The following MAP4 variants were observed in gnomAD, a reference collection of about 807,000 sequenced individuals.
The protein encoded by MAP4 is microtubule associated protein 4, also known as microtubule-associated protein 4.
In MAP4, 76 loss-of-function variants were observed where a neutral mutation model predicts 170.2. The ratio of observed to expected loss-of-function variants is 0.45; its 90% confidence interval spans 0.37 to 0.54. The LOEUF (loss-of-function observed/expected upper bound fraction) is 0.54. Ranked by LOEUF, MAP4 falls within the 20% of genes least tolerant of loss-of-function variation. The probability of loss-of-function intolerance (pLI) is 0.00; values close to 1 mark genes in which losing one functional copy is unlikely to be tolerated. For missense variants in MAP4, 2,506 were observed against 2,748.0 expected (o/e 0.91, Z 1.97); for synonymous variants, 909 against 994.5 (o/e 0.91, Z 1.62).
At position 47,957,039 on chromosome 3, in the gene MAP4, C is replaced by G. The variant is rs77374744; in HGVS notation, c.292+20826G>C. Among the ~76,000 whole-genome samples, 615 of 152,296 alleles carry G rather than the reference C, an allele frequency of 4.0e-3. 6 individuals carry two copies. The highest frequency in any genetic ancestry group is 0.014 in the African/African-American group (596 of 41,554). ...GCAGGGGTGAGGGAAGAGATTTGTC[C>G]TCACTAGAATAGACATGTATTCTGG... is the stretch of plus-strand genomic sequence containing the variant. On this transcript the variant is annotated intron_variant, in intron 3 of 20. Transcript: ENST00000683076.
intron 2 of MAP4, among the ~76,000 whole-genome samples, chr3:47,997,327 A>AAAAAAAAAAAAAAAAAAAAAAAAG: frequency 9.3e-6 from 1 of 107,568 alleles, no homozygotes; most frequent in Non-Finnish European, 1.8e-5. Context: ...TTAAACTGCT[A>AAAAAAAAAAAAAAAAAAAAAAAAG]AAAAAAAAAA....
chr3:47,916,623 T>C lies in MAP4; in HGVS notation c.1204A>G (p.Asn402Asp), dbSNP rs2100039418. The change falls in exon 7 of 21, where the codon AAC (asparagine) becomes GAC (aspartate). Residue 402 changes from asparagine to aspartate, a missense_variant. Coordinates refer to ENST00000683076, the MANE Select transcript of MAP4 (RefSeq NM_001385682.1). ...PSKDMGPPKENKIVPAKDLVL... is the reference protein window; with the variant it reads ...PSKDMGPPKEDKIVPAKDLVL... ...AAATCCTTGGCTGGGACTATCTTGT[T>C]TTCTTTGGGTGGTCCCATGTCCTTG... 1.2e-6 allele frequency: 2 copies of C among 1,614,232 alleles called. No homozygotes were observed. Among genetic ancestry groups the C allele is most frequent in the Non-Finnish European group, 1.7e-6 (2 of 1,180,028 alleles).
chr3:48,041,056 T>C (rs1310955067), intron 1 of MAP4, among the ~76,000 whole-genome samples: 1 of 152,148 alleles, frequency 6.6e-6, no homozygotes, highest in Non-Finnish European at 1.5e-5. Context: ...AAAAATGATA[T>C]TAAGAAAACA....
At chr3:48,060,268 T>A (rs376930837) in intron 1 of MAP4, among the ~76,000 whole-genome samples, 2 of 152,210 alleles carry the variant, frequency 1.3e-5, no homozygotes, top group South Asian at 2.1e-4. Context: ...CTGTAAATGG[T>A]ACATGGTCAT....
At chr3:48,049,649 A>T (rs1039258147) in intron 1 of MAP4, among the ~76,000 whole-genome samples, 1 of 148,196 alleles carries the variant, frequency 6.7e-6, no homozygotes, top group Admixed American at 6.8e-5. Context: ...AAATTAAATT[A>T]AGGCCAGGTG....
intron 13 of MAP4, 146 bp downstream of exon 13, chr3:47,871,771 C>T: frequency 1.4e-6 from 1 of 696,538 alleles, no homozygotes; most frequent in East Asian, 2.7e-5. Flanking sequence ...CACAGGGCTA[C>T]CACTGTTCCA....
chr3:48,069,177 T>A (rs2154563611), intron 1 of MAP4, among the ~76,000 whole-genome samples: 1 of 152,270 alleles, frequency 6.6e-6, no homozygotes, highest in Non-Finnish European at 1.5e-5. Flanking sequence ...TCACAGCCAA[T>A]TTGCCATCTA....
chr3:47,967,684 G>A lies in MAP4; in HGVS notation c.292+10181C>T, dbSNP rs142010616. ...ATAAAATAAAATACACATTTAGGCC[G>A]GGCACAGTGACTCACACCTGTAATC... On this transcript the variant is annotated intron_variant, in intron 3 of 20. Coordinates refer to ENST00000683076, the MANE Select transcript of MAP4 (RefSeq NM_001385682.1). Among the ~76,000 whole-genome samples, 899 of 152,142 alleles carry A rather than the reference G, an allele frequency of 5.9e-3. 9 individuals are homozygous for A. Among genetic ancestry groups the A allele is most frequent in the Middle Eastern group, 0.017 (5 of 294 alleles).
intron 10 of MAP4, among the ~76,000 whole-genome samples, chr3:47,888,703 T>G (rs1242857951): frequency 1.3e-5 from 2 of 152,234 alleles, no homozygotes; most frequent in African/African-American, 4.8e-5. Context: ...AGTAGTAAGC[T>G]TTAAACTTTT....
intron 3 of MAP4, among the ~76,000 whole-genome samples, chr3:47,959,483 G>A (rs2100070079): frequency 1.3e-5 from 2 of 151,240 alleles, no homozygotes; most frequent in South Asian, 2.1e-4. Context: ...GTGGCTGGGC[G>A]CAGTGGCTCA....
intron 3 of MAP4, chr3:47,974,316 T>C (rs746297919): frequency 3.4e-5 from 12 of 357,310 alleles, no homozygotes; most frequent in Admixed American, 6.5e-5. Flanking sequence ...TCCCAGCTAC[T>C]TGGGAGGCTG....
intron 3 of MAP4, among the ~76,000 whole-genome samples, chr3:47,936,586 G>A (rs1252441848): frequency 2.0e-5 from 3 of 151,530 alleles, no homozygotes; most frequent in Non-Finnish European, 2.9e-5. Context: ...AATGGCACAC[G>A]TAACATTGAG....
chr3:47,921,822 C>G lies in MAP4; in HGVS notation c.472G>C (p.Ala158Pro). Residue 158 changes from alanine (A) to proline (P), a missense_variant, in exon 5 of 21, where the codon GCG becomes CCG. Ala to Pro is a conservative substitution (Grantham distance 27, BLOSUM62 -1). Around this residue, in one of 3 missense-constraint regions of MAP4, gnomAD observed 2,008 missense variants for 2,206.0 expected, o/e 0.91. Transcript: ENST00000683076. ...DLADLVFPSS[A>P]TADTSIFAGQ... ...GCAAATATTGAAGTATCAGCTGTCGCACTGGAGGGAAAGACCAAATCTGCC... is the reference window on the plus strand; with the variant it reads ...GCAAATATTGAAGTATCAGCTGTCGGACTGGAGGGAAAGACCAAATCTGCC... 6.2e-7 allele frequency: 1 copy of G among 1,612,466 alleles called. No homozygotes were observed. Among genetic ancestry groups the G allele is most frequent in the Non-Finnish European group, 8.5e-7 (1 of 1,178,518 alleles).
upstream of MAP4, among the ~76,000 whole-genome samples, chr3:48,020,274 C>CT (rs1339624152): frequency 6.6e-6 from 1 of 152,204 alleles, no homozygotes; most frequent in African/African-American, 2.4e-5. Context: ...TCTTTCTCAC[C>CT]TTTTATCCTG....
chr3:47,875,696 C>A lies in MAP4; in HGVS notation c.5746G>T (p.Val1916Leu), dbSNP rs555788087. ...ARPSILPSKD[V>L]KPKPIADAKA... is the part of the protein sequence containing the mutation. Reference sequence around the variant, plus strand: ...AGGTGACCACTTACCTTTGGCTTCACGTCTTTTGAAGGTAAGATGGAAGGC... The same window carrying A: ...AGGTGACCACTTACCTTTGGCTTCAAGTCTTTTGAAGGTAAGATGGAAGGC... Residue 1916 changes from valine (V) to leucine (L), a missense_variant, in exon 12 of 21, where the codon GTG becomes TTG. Physicochemically the swap from Val to Leu is conservative, Grantham distance 32. Transcript: ENST00000683076. 1 of 1,612,680 alleles carries A rather than the reference C, an allele frequency of 6.2e-7. No individual in the cohort carries two copies. Among genetic ancestry groups the A allele is most frequent in the South Asian group, 1.1e-5 (1 of 90,950 alleles).
At chr3:47,914,132 A>T (rs1177687276) in intron 8 of MAP4, among the ~76,000 whole-genome samples, 1 of 152,164 alleles carries the variant, frequency 6.6e-6, no homozygotes, top group East Asian at 1.9e-4. Context: ...AGAACATTTG[A>T]CCAATTAATT....
intron 1 of MAP4, among the ~76,000 whole-genome samples, chr3:48,043,142 C>T (rs963309073): frequency 6.6e-6 from 1 of 152,082 alleles, no homozygotes; most frequent in Non-Finnish European, 1.5e-5. Context: ...GCTCTGTCAC[C>T]CAGGCTGGAG....
chr3:47,858,612 T>TGTGC (rs1553722085), intron 17 of MAP4, among the ~76,000 whole-genome samples: 5 of 135,854 alleles, frequency 3.7e-5, no homozygotes, highest in Non-Finnish European at 7.7e-5. Context: ...TGTGTGTGTG[T>TGTGC]GTGCGCGTTG....
chr3:47,961,588 A>C (rs2100071603), intron 3 of MAP4, among the ~76,000 whole-genome samples: 2 of 152,176 alleles, frequency 1.3e-5, no homozygotes, highest in Admixed American at 1.3e-4. Context: ...CTCAATTCCA[A>C]ATCTACCTTT....
Sources: allele counts gnomAD v4.1 joint callset (sites outside exome capture counted in the v4.1 genomes callset), GRCh38; gene constraint gnomAD v4.1.1; regional missense constraint gnomAD v4.1.1; transcripts MANE v1.5; gene names NCBI Gene and HGNC (gene_info 2026-07-23, HGNC 2026-07-21).